MDM1: variants seen among roughly 807,000 people sequenced by gnomAD.
MDM1 encodes the protein stabilizer of axonemal microtubules 6.
A neutral mutation model predicts 89.1 loss-of-function variants in MDM1; 61 were observed. The ratio of observed to expected loss-of-function variants is 0.68; its 90% confidence interval spans 0.56 to 0.85. MDM1 has a LOEUF of 0.85. Ranked by LOEUF, MDM1 falls within the 40% of genes least tolerant of loss-of-function variation. The pLI is 0.00. For missense variants in MDM1, 820 were observed against 846.5 expected (o/e 0.97, Z 0.39); for synonymous variants, 290 against 294.1 (o/e 0.99, Z 0.14).
At chr12:68,302,900 AAG>A in intron 12 of MDM1, 28 bp from the exon 13 acceptor site, 1 of 1,491,512 alleles carries the variant, frequency 6.7e-7, no homozygotes, top group Non-Finnish European at 9.0e-7. Flanking sequence ...AAAAAAAAAA[AAG>A]ATGCCTATGT....
intron 12 of MDM1, among the ~76,000 whole-genome samples, chr12:68,311,072 T>A (rs1199597379): frequency 6.6e-6 from 1 of 152,178 alleles, no homozygotes; most frequent in Non-Finnish European, 1.5e-5. Context: ...CCAGTGTCCT[T>A]CCCTCACCAA....
chr12:68,321,402 T>C lies in MDM1; in HGVS notation c.950A>G (p.Gln317Arg), dbSNP rs1275885238. Residue 317 changes from glutamine to arginine, a missense_variant, in exon 7 of 15, where the codon CAG (glutamine) becomes CGG (arginine). Physicochemically the swap from Gln to Arg is conservative, Grantham distance 43. Transcript: ENST00000682720. Reference protein sequence around the residue: ...EYRAKFLSPAQYLYKAGAWTH... With the variant: ...EYRAKFLSPARYLYKAGAWTH... Reference sequence around the variant, plus strand: ...CCAAGCCCCAGCTTTATATAAATACTGAGCTGGGCTCAGAAATTTTGCTCT... The same window carrying C: ...CCAAGCCCCAGCTTTATATAAATACCGAGCTGGGCTCAGAAATTTTGCTCT... 3.7e-6 allele frequency: 6 copies of C among 1,613,770 alleles called. No individual in the cohort carries two copies. The highest frequency in any genetic ancestry group is 5.1e-6 in the Non-Finnish European group (6 of 1,179,894).
chr12:68,315,492 TTC>T, intron 9 of MDM1, among the ~76,000 whole-genome samples: 1 of 152,338 alleles, frequency 6.6e-6, no homozygotes, highest in Middle Eastern at 3.4e-3. Flanking sequence ...TGTATTTATC[TTC>T]TTTTACTCCT....
chr12:68,302,987 A>ACAC, intron 12 of MDM1, 115 bp from the exon 13 acceptor site: 1 of 867,516 alleles, frequency 1.2e-6, no homozygotes. Flanking sequence ...GAAATATGAG[A>ACAC]GAATTTATGC....
In MDM1 at chr12:68,313,803, T is replaced by C. The variant is rs754053958; in HGVS notation, c.1530-50A>G. ...TCTATACAGCATTTCCTCGAGAAAA[T>C]ATGATAAAAAATACTTTGCCATCAT... On this transcript the variant is annotated intron_variant, in intron 10 of 14. Transcript: ENST00000682720. The C allele has an allele frequency of 6.4e-6, 9 of 1,413,248 alleles. No homozygotes were observed. The South Asian group carries it at 1.1e-4, about 17-fold the overall frequency. 87.5% of individuals were successfully genotyped at this position (1,413,248 alleles called of 1,614,324 possible).
At chr12:68,315,811 G>A (rs1186056411) in intron 9 of MDM1, among the ~76,000 whole-genome samples, 1 of 151,994 alleles carries the variant, frequency 6.6e-6, no homozygotes, top group Non-Finnish European at 1.5e-5. Context: ...CATCTACCAT[G>A]TAATCATCCC....
chr12:68,302,654 C>T lies in MDM1; in HGVS notation c.1968G>A (p.Gln656=), dbSNP rs1181822685. 1.2e-6 allele frequency: 2 copies of T among 1,613,670 alleles called. No homozygotes were observed. The highest frequency in any genetic ancestry group is 1.6e-4 in the Middle Eastern group (1 of 6,062). The change falls in exon 13 of 15, where the codon CAG becomes CAA. Residue 656 remains glutamine (Q), a synonymous_variant. Coordinates refer to ENST00000682720, the MANE Select transcript of MDM1 (RefSeq NM_001354969.2). ...GAAACTCTGGATCTCTAAGAGAGCC[C>T]TGAATTCGTCGAGAGGGATGCCAGT... ...PSYWHPSRRI[Q]GSLRDPEFQH...
intron 12 of MDM1, among the ~76,000 whole-genome samples, chr12:68,307,538 G>A (rs576456447): frequency 2.0e-5 from 3 of 152,280 alleles, no homozygotes; most frequent in African/African-American, 7.2e-5. Context: ...CTACTCAGGA[G>A]GCTGAGGTGG....
chr12:68,326,505 G>A lies in MDM1; in HGVS notation c.498+152C>T, dbSNP rs777044043. ...ATAGAACTAATTCACAATAACTAAA[G>A]TCAACAGCCTGTTATCAACTATTCT... On this transcript the variant is annotated intron_variant, in intron 3 of 14. Transcript: ENST00000682720. 23 of 1,549,186 alleles carry A rather than the reference G, an allele frequency of 1.5e-5. No homozygotes were observed. In the Admixed American group the frequency reaches 2.6e-4, roughly 18 times the overall value.
intron 4 of MDM1, 80 bp from the exon 5 acceptor site, chr12:68,323,320 A>AC: frequency 9.7e-7 from 1 of 1,033,742 alleles, no homozygotes; most frequent in East Asian, 2.6e-5. Flanking sequence ...AACAAAACAT[A>AC]AAGTTGAATT....
intron 2 of MDM1, among the ~76,000 whole-genome samples, chr12:68,329,576 G>C (rs529272134): frequency 6.6e-6 from 1 of 152,250 alleles, no homozygotes; most frequent in African/African-American, 2.4e-5. Flanking sequence ...CTCACTTGGT[G>C]AAACTAGCTC....
intron 14 of MDM1, among the ~76,000 whole-genome samples, chr12:68,295,836 A>G (rs1871302549): frequency 6.6e-6 from 1 of 152,222 alleles, no homozygotes; most frequent in African/African-American, 2.4e-5. Flanking sequence ...TTTGATTTTA[A>G]TATGCTACCC....
chr12:68,328,597 C>T (rs577738622), intron 2 of MDM1, among the ~76,000 whole-genome samples: 3 of 152,156 alleles, frequency 2.0e-5, no homozygotes, highest in East Asian at 1.9e-4. Context: ...AAATGTGTGA[C>T]GAAGCACAAT....
chr12:68,324,072 GAATTC>G (rs1875615304), intron 4 of MDM1, among the ~76,000 whole-genome samples: 1 of 152,074 alleles, frequency 6.6e-6, no homozygotes, highest in Admixed American at 6.5e-5. Flanking sequence ...CATAGACTCT[GAATTC>G]AATATGCTTT....
chr12:68,307,310 C>T (rs147338291), intron 12 of MDM1, among the ~76,000 whole-genome samples: 28 of 152,242 alleles, frequency 1.8e-4, no homozygotes, highest in African/African-American at 5.1e-4. Flanking sequence ...ACCAATGTAA[C>T]AAACTTGGAC....
intron 7 of MDM1, among the ~76,000 whole-genome samples, chr12:68,318,269 T>C (rs941967835): frequency 6.6e-6 from 1 of 152,170 alleles, no homozygotes; most frequent in African/African-American, 2.4e-5. Flanking sequence ...GTTGGGTAGA[T>C]TGACGGGGCA....
chr12:68,326,516 G>A, intron 3 of MDM1, 141 bp downstream of exon 3: 1 of 1,574,426 alleles, frequency 6.4e-7, no homozygotes, highest in Middle Eastern at 1.8e-4. Context: ...TCAACAGCCT[G>A]TTATCAACTA....
intron 12 of MDM1, among the ~76,000 whole-genome samples, chr12:68,311,580 T>C (rs1873696858): frequency 6.6e-6 from 1 of 152,192 alleles, no homozygotes; most frequent in South Asian, 2.1e-4. Context: ...AACCCTTCCA[T>C]ATCTCCACCA....
At chr12:68,308,689 G>C (rs1873260188) in intron 12 of MDM1, among the ~76,000 whole-genome samples, 1 of 152,204 alleles carries the variant, frequency 6.6e-6, no homozygotes, top group Non-Finnish European at 1.5e-5. Flanking sequence ...ATTTTGACCT[G>C]ATTATCAATA....
Sources: allele counts gnomAD v4.1 joint callset (sites outside exome capture counted in the v4.1 genomes callset), GRCh38; gene constraint gnomAD v4.1.1; transcripts MANE v1.5; gene names NCBI Gene and HGNC (gene_info 2026-07-23, HGNC 2026-07-21).